Variants in NEK6 observed in about 807,000 individuals in gnomAD.
The protein encoded by NEK6 is NIMA related kinase 6, also known as serine/threonine-protein kinase Nek6.
A neutral mutation model predicts 43.5 loss-of-function variants in NEK6; 27 were observed. The ratio of observed to expected loss-of-function variants is 0.62; its 90% CI spans 0.46 to 0.86. The LOEUF is 0.86. Ranked by LOEUF, NEK6 falls within the 40% of genes least tolerant of loss-of-function variation. NEK6 has a pLI of 0.00. For missense variants in NEK6, 318 were observed against 414.4 expected, an observed-to-expected ratio of 0.77 and a Z score of 2.02; for synonymous variants, 167 against 164.1, an observed-to-expected ratio of 1.02 and a Z score of -0.14.
chr9:124,326,314 G>A lies in NEK6; in HGVS notation c.406-16G>A. On this transcript the variant is annotated splice_polypyrimidine_tract_variant and intron_variant, in intron 5 of 9. Coordinates refer to ENST00000320246, the MANE Select transcript of NEK6 (RefSeq NM_014397.6). This position sits in a 1 kb window ranked among gnomAD's most constrained non-coding sequence, Gnocchi z 4.5. ...CTCACCCGGGCCTATCCCTCTGCTTGTCTCCCCCACTGCAGTACTTTAAGA... is the reference window on the plus strand; with the variant it reads ...CTCACCCGGGCCTATCCCTCTGCTTATCTCCCCCACTGCAGTACTTTAAGA... The A allele has an allele frequency of 1.9e-6, 3 of 1,589,696 alleles. No homozygotes were observed. The highest frequency in any genetic ancestry group is 2.6e-6 in the Non-Finnish European group (3 of 1,164,306).
At chr9:124,339,139 C>T (rs992790755) in intron 7 of NEK6, among the ~76,000 whole-genome samples, 1 of 151,714 alleles carries the variant, frequency 6.6e-6, no homozygotes, top group Non-Finnish European at 1.5e-5. Flanking sequence ...AGTGATTCTC[C>T]TGCCTCAGCC....
At chr9:124,312,914 C>A (rs113299208) in intron 3 of NEK6, among the ~76,000 whole-genome samples, 2 of 152,204 alleles carry the variant, frequency 1.3e-5, no homozygotes, top group Admixed American at 1.3e-4. Flanking sequence ...TCAACAGTCC[C>A]GTGGGTGGGG....
chr9:124,290,398 G>A (rs1832361890), intron 1 of NEK6, among the ~76,000 whole-genome samples: 1 of 152,368 alleles, frequency 6.6e-6, no homozygotes, highest in African/African-American at 2.4e-5. Flanking sequence ...AAGGGTGCTG[G>A]CACCTGGCAT....
At chr9:124,323,705 G>A (rs1339975482) in intron 5 of NEK6, among the ~76,000 whole-genome samples, 1 of 152,120 alleles carries the variant, frequency 6.6e-6, no homozygotes, top group East Asian at 1.9e-4. Context: ...TTTCCACCCT[G>A]TCCCCGGGAA....
At chr9:124,325,603 C>G (rs2130941189) in intron 5 of NEK6, among the ~76,000 whole-genome samples, 1 of 152,376 alleles carries the variant, frequency 6.6e-6, no homozygotes, top group East Asian at 1.9e-4. Context: ...CCGTCTCTAG[C>G]TGAGCCGTGG....
intron 7 of NEK6, among the ~76,000 whole-genome samples, chr9:124,332,947 G>A (rs1319793742): frequency 6.6e-6 from 1 of 152,060 alleles, no homozygotes; most frequent in Non-Finnish European, 1.5e-5. Flanking sequence ...GAGGGGCATG[G>A]AAACCCAGGC....
At position 124,326,219 on chromosome 9, in the gene NEK6, T is replaced by A; in HGVS notation, c.406-111T>A. The A allele has an allele frequency of 2.0e-3, 166 of 81,150 alleles. 1 individual carries two copies. The highest frequency in any genetic ancestry group is 6.5e-3 in the East Asian group (53 of 8,134). The allele number at this position is 81,150 out of a possible 1,614,324, so 5.0% of individuals were successfully genotyped here. A position where few individuals can be genotyped will look rare whatever the true frequency, so the allele number is the denominator to read the frequency against. On this transcript the variant is annotated intron_variant, in intron 5 of 9. Transcript: ENST00000320246. This position sits in a 1 kb window ranked among gnomAD's most constrained non-coding sequence, Gnocchi z 4.5. ...TGGCTCAATCCCCCCCCCCCGCCCC[T>A]GCCAGGCACCAGTTACCCACTGGGG...
At chr9:124,330,840 T>C (rs1828943502) in intron 7 of NEK6, among the ~76,000 whole-genome samples, 2 of 152,054 alleles carry the variant, frequency 1.3e-5, no homozygotes, top group Admixed American at 1.3e-4. Flanking sequence ...TGTGATTCTA[T>C]ACAGAGCCCC....
chr9:124,351,314 C>T lies in NEK6; in HGVS notation c.*367C>T. On this transcript the variant is annotated 3_prime_UTR_variant, in exon 10 of 10. Transcript: ENST00000320246. ...AAGGCTTATGCTAACAGGAGACTTG[C>T]AGGAGACCGTGTGATTTGTGTAGTG... 1 of 212,842 alleles carries T rather than the reference C, an allele frequency of 4.7e-6. No individual in the cohort carries two copies. The highest frequency in any genetic ancestry group is 9.5e-6 in the Non-Finnish European group (1 of 105,316). The allele number at this position is 212,842 out of a possible 1,614,324, so 13.2% of individuals were successfully genotyped here. A position where few individuals can be genotyped will look rare whatever the true frequency, so the allele number is the denominator to read the frequency against.
rs894830284 is a variant in NEK6, at chr9:124,281,489, T to C, written c.-29-20447T>C. On this transcript the variant is annotated intron_variant, in intron 1 of 9. Coordinates refer to ENST00000320246, the MANE Select transcript of NEK6 (RefSeq NM_014397.6). ...ACTTTCCATGTCAGCTGTTTTTTCT[T>C]TTTTTTTTTTTTTTTTTTTTTTTTT... Among the ~76,000 whole-genome samples, 9 of 79,704 alleles carry C rather than the reference T, an allele frequency of 1.1e-4. No individual in the cohort carries two copies. In the South Asian group the frequency reaches 3.4e-3, roughly 30 times the overall value. 52.3% of individuals were successfully genotyped at this position (79,704 alleles called of 152,430 possible).
chr9:124,327,449 A>G lies in NEK6; in HGVS notation c.622+4A>G. ...ACCACCGCAGCCCACTCCCTAGGTA[A>G]GGGGGACCTGTCTGTGCCCCAGCAG... On this transcript the variant is annotated splice_donor_region_variant and intron_variant, in intron 7 of 9. Transcript: ENST00000320246. The G allele has an allele frequency of 6.2e-7, 1 of 1,610,110 alleles. No homozygotes were observed. The highest frequency in any genetic ancestry group is 1.1e-5 in the South Asian group (1 of 91,042).
chr9:124,271,733 C>T (rs1171236918), intron 1 of NEK6, among the ~76,000 whole-genome samples: 11 of 152,250 alleles, frequency 7.2e-5, no homozygotes, highest in Admixed American at 3.9e-4. Context: ...TTGCCCCCAC[C>T]GTCTGCTGCA....
chr9:124,344,539 A>G (rs911544722), intron 8 of NEK6, among the ~76,000 whole-genome samples: 17 of 152,336 alleles, frequency 1.1e-4, no homozygotes, highest in East Asian at 1.9e-4. Context: ...CTCGCAGGCC[A>G]GGCGGTGGGG....
intron 8 of NEK6, among the ~76,000 whole-genome samples, chr9:124,340,339 A>T (rs1829534385): frequency 6.6e-6 from 1 of 152,184 alleles, no homozygotes; most frequent in Non-Finnish European, 1.5e-5. Context: ...GGGGAGCATG[A>T]GCCACTCTTG....
chr9:124,312,969 G>A (rs1455463830), intron 3 of NEK6, among the ~76,000 whole-genome samples: 1 of 152,188 alleles, frequency 6.6e-6, no homozygotes, highest in South Asian at 2.1e-4. Context: ...ATAACCGCCA[G>A]GGCCCCAGCA....
chr9:124,275,449 C>T lies in NEK6; in HGVS notation c.-30+17364C>T, dbSNP rs1831614147. Among the ~76,000 whole-genome samples the T allele has an allele frequency of 1.3e-5, 2 of 152,198 alleles. No individual in the cohort carries two copies. Among genetic ancestry groups the T allele is most frequent in the South Asian group, 2.1e-4 (1 of 4,836 alleles). Reference sequence around the variant, plus strand: ...GGTCAGCATTCAGAAGTGTCAGCTCCAGCTGCCTGCCCCCGCCTGCCGGGC... The same window carrying T: ...GGTCAGCATTCAGAAGTGTCAGCTCTAGCTGCCTGCCCCCGCCTGCCGGGC... On this transcript the variant is annotated intron_variant, in intron 1 of 9. Coordinates refer to ENST00000320246, the MANE Select transcript of NEK6 (RefSeq NM_014397.6). The surrounding 1 kb of genome is among the most constrained non-coding windows in gnomAD (Gnocchi z 4.4).
At chr9:124,290,465 G>A (rs539503618) in intron 1 of NEK6, among the ~76,000 whole-genome samples, 4 of 152,228 alleles carry the variant, frequency 2.6e-5, no homozygotes, top group Non-Finnish European at 5.9e-5. Flanking sequence ...GCGGAGCCTC[G>A]GTGCCAGGAT....
chr9:124,259,943 G>A (rs772671189), intron 1 of NEK6, among the ~76,000 whole-genome samples: 1 of 152,216 alleles, frequency 6.6e-6, no homozygotes, highest in Admixed American at 6.5e-5. Flanking sequence ...TGGTGGGTTT[G>A]AACAAGGGCA....
Position 124,258,086 on chromosome 9 carries a change from G to A in NEK6, c.-30+1G>A. The A allele has an allele frequency of 1.0e-6, 1 of 979,310 alleles. No individual in the cohort carries two copies. The highest frequency in any genetic ancestry group is 1.2e-6 in the Non-Finnish European group (1 of 827,596). The allele number at this position is 979,310 out of a possible 1,614,324, so 60.7% of individuals were successfully genotyped here. ...GGCAGCCGAGCCCGCCCGCGCGCCGGTGAGTCGCCTGGGGCTGGGGCCGGG... is the reference window on the plus strand; with the variant it reads ...GGCAGCCGAGCCCGCCCGCGCGCCGATGAGTCGCCTGGGGCTGGGGCCGGG... On this transcript the variant is annotated splice_donor_variant, in intron 1 of 9. Transcript: ENST00000320246. LOFTEE classifies it low-confidence loss of function (5UTR_SPLICE).
Sources: gnomAD v4.1 joint callset for allele counts (sites outside exome capture counted in the v4.1 genomes callset) on GRCh38, gnomAD v4.1.1 for gene constraint, Gnocchi (gnomAD v3.1) non-coding constraint, MANE v1.5 for transcripts, NCBI Gene and HGNC (gene_info 2026-07-23, HGNC 2026-07-21) for gene names.